The following CLTCL1 variants were observed in gnomAD, a reference collection of about 807,000 sequenced individuals.
CLTCL1 encodes the protein clathrin heavy chain like 1, also known as clathrin heavy chain 2.
In CLTCL1, 159 loss-of-function variants were observed where a neutral mutation model predicts 190.0. The observed-to-expected ratio is 0.84, with a 90% CI of 0.74 to 0.95. The LOEUF (loss-of-function observed/expected upper bound fraction) is 0.95, where lower values mean the gene tolerates loss of function less well. CLTCL1 is among the 40% of genes least tolerant of loss of function. CLTCL1 has a pLI of 0.00. For synonymous variants in CLTCL1, 752 were observed against 769.6 expected (o/e 0.98, Z 0.38); for missense variants, 1,878 against 2,033.4 (o/e 0.92, Z 1.47).
intron 10 of CLTCL1, among the ~76,000 whole-genome samples, chr22:19,231,953 A>G (rs2085928657): frequency 6.6e-6 from 1 of 152,218 alleles, no homozygotes; most frequent in Non-Finnish European, 1.5e-5. Flanking sequence ...AAGCTTTGTT[A>G]CACATCTATA....
At chr22:19,265,816 C>T (rs1372148510) in intron 2 of CLTCL1, among the ~76,000 whole-genome samples, 1 of 152,058 alleles carries the variant, frequency 6.6e-6, no homozygotes, top group East Asian at 1.9e-4. Context: ...CTGAAGCAGC[C>T]TATATACACC....
In CLTCL1 at chr22:19,179,966, G is replaced by C; in HGVS notation, c.*24C>G. The C allele has an allele frequency of 1.8e-6, 1 of 565,420 alleles. No individual in the cohort carries two copies. Among genetic ancestry groups the C allele is most frequent in the Non-Finnish European group, 3.2e-6 (1 of 317,176 alleles). 35.0% of individuals were successfully genotyped at this position (565,420 alleles called of 1,614,324 possible). A position where few individuals can be genotyped will look rare whatever the true frequency, so the allele number is the denominator to read the frequency against. Reference sequence around the variant, plus strand: ...GCTGGCAGGGGCTGGGCCCACGGCAGGGCCTGCAGAGGGGGAAGCCCACAA... The same window carrying C: ...GCTGGCAGGGGCTGGGCCCACGGCACGGCCTGCAGAGGGGGAAGCCCACAA... On this transcript the variant is annotated 3_prime_UTR_variant, in exon 33 of 33. Transcript: ENST00000427926.
intron 10 of CLTCL1, 138 bp from the exon 11 acceptor site, chr22:19,230,113 T>TG: frequency 1.1e-6 from 1 of 930,282 alleles, no homozygotes; most frequent in Non-Finnish European, 1.5e-6. Context: ...TTTTTTTTTT[T>TG]TGAGATGGAG....
At chr22:19,201,955 G>A (rs186379377) in intron 22 of CLTCL1, among the ~76,000 whole-genome samples, 1 of 152,050 alleles carries the variant, frequency 6.6e-6, no homozygotes, top group Non-Finnish European at 1.5e-5. Flanking sequence ...TGGGGACCTT[G>A]TTCTTCTCAC....
chr22:19,246,296 G>A (rs919367341), intron 3 of CLTCL1, among the ~76,000 whole-genome samples: 42 of 151,776 alleles, frequency 2.8e-4, no homozygotes, highest in African/African-American at 9.9e-4. Flanking sequence ...TCCTGACCTC[G>A]TGATCCACCT....
chr22:19,221,945 C>T lies in CLTCL1; in HGVS notation c.2561+6G>A, dbSNP rs1401727981. On this transcript the variant is annotated splice_donor_region_variant and intron_variant, in intron 16 of 32. Transcript: ENST00000427926. ...TAAGAGAAAACACCAAGTAAGGACA[C>T]CTTACCTATTTCTTTTTTCTACTTC... The T allele has an allele frequency of 1.9e-6, 3 of 1,613,686 alleles. No homozygotes were observed. Among genetic ancestry groups the T allele is most frequent in the Non-Finnish European group, 2.5e-6 (3 of 1,179,754 alleles).
At chr22:19,260,583 C>T (rs2086908391) in intron 2 of CLTCL1, among the ~76,000 whole-genome samples, 3 of 151,858 alleles carry the variant, frequency 2.0e-5, no homozygotes, top group Admixed American at 2.0e-4. Flanking sequence ...CGAGATCAGC[C>T]TGACCAACGT....
Position 19,234,501 on chromosome 22 carries a change from T to G in CLTCL1, c.1167+8A>C. ...CAGAACACTTGAACAGTATTCAAGG[T>G]TTATCACCTTTGGTGCAGACGCTGC... On this transcript the variant is annotated splice_region_variant and intron_variant, in intron 7 of 32. Coordinates refer to ENST00000427926, the MANE Select transcript of CLTCL1 (RefSeq NM_007098.4). 6.2e-7 allele frequency: 1 copy of G among 1,607,504 alleles called. No individual in the cohort carries two copies. Among genetic ancestry groups the G allele is most frequent in the Non-Finnish European group, 8.5e-7 (1 of 1,176,390 alleles).
chr22:19,233,084 G>A, intron 9 of CLTCL1, 82 bp downstream of exon 9: 1 of 1,429,034 alleles, frequency 7.0e-7, no homozygotes. Flanking sequence ...ACAAAGAAGG[G>A]TATTTTATAA....
chr22:19,229,922 T>G lies in CLTCL1; in HGVS notation c.1698A>C (p.Leu566Phe). Residue 566 changes from leucine to phenylalanine, a missense_variant, in exon 11 of 33, where the codon TTA becomes TTC. By Grantham distance (22) the Leu-to-Phe change is conservative. Coordinates refer to ENST00000427926, the MANE Select transcript of CLTCL1 (RefSeq NM_007098.4). ...NSLIQQCTSFLLDALKNNRPA... is the reference protein window; with the variant it reads ...NSLIQQCTSFFLDALKNNRPA... ...GGCGATTATTCTTCAAGGCATCCAA[T>G]AAGAAGGAAGTACACTGCTGAATTA... 1 of 1,611,274 alleles carries G rather than the reference T, an allele frequency of 6.2e-7. No individual in the cohort carries two copies. The highest frequency in any genetic ancestry group is 8.5e-7 in the Non-Finnish European group (1 of 1,178,838).
chr22:19,215,577 C>T (rs1448526683), intron 19 of CLTCL1, among the ~76,000 whole-genome samples: 4 of 152,130 alleles, frequency 2.6e-5, no homozygotes, highest in Non-Finnish European at 4.4e-5. Flanking sequence ...CGTGTGGAAG[C>T]GTGCACTCTC....
intron 4 of CLTCL1, 55 bp from the exon 5 acceptor site, chr22:19,239,443 G>T: frequency 7.8e-7 from 1 of 1,288,326 alleles, no homozygotes; most frequent in Non-Finnish European, 1.1e-6. Flanking sequence ...GTGGGCAAGT[G>T]CTAGTCAAGG....
chr22:19,247,264 T>C (rs782366946), intron 3 of CLTCL1, among the ~76,000 whole-genome samples: 4 of 152,208 alleles, frequency 2.6e-5, no homozygotes, highest in African/African-American at 7.2e-5. Flanking sequence ...TGTTTCACCA[T>C]TGAACAGTCT....
rs782813231 is a variant in CLTCL1, at chr22:19,183,390, C to A, written c.4827G>T (p.Lys1609Asn). 1 of 1,612,830 alleles carries A rather than the reference C, an allele frequency of 6.2e-7. No individual in the cohort carries two copies. The highest frequency in any genetic ancestry group is 8.5e-7 in the Non-Finnish European group (1 of 1,179,624). ...GAGCTGCAGCCGGCCCGGCACCTAC[C>A]TTGCTCAGGTACTCCCTCATCACCT... is the stretch of plus-strand genomic sequence containing the variant. ...FIQVMREYLSKVDKLDALESL... is the reference protein window; with the variant it reads ...FIQVMREYLSNVDKLDALESL... Residue 1609 changes from lysine (K) to asparagine (N), a missense_variant and splice_region_variant, in exon 30 of 33, where the codon AAG becomes AAT. Coordinates refer to ENST00000427926, the MANE Select transcript of CLTCL1 (RefSeq NM_007098.4).
At chr22:19,193,925 A>C (rs530778483) in intron 26 of CLTCL1, among the ~76,000 whole-genome samples, 1 of 152,362 alleles carries the variant, frequency 6.6e-6, no homozygotes, top group South Asian at 2.1e-4. Context: ...TGTGAAAAGC[A>C]AAAGAACAAA....
chr22:19,225,817 A>G (rs1391625397), intron 12 of CLTCL1, among the ~76,000 whole-genome samples, 184 bp from the exon 13 acceptor site: 1 of 152,264 alleles, frequency 6.6e-6, no homozygotes, highest in African/African-American at 2.4e-5. Context: ...AAAGCTGGGA[A>G]AAGACACTGA....
At chr22:19,245,801 A>G (rs1431088225) in intron 3 of CLTCL1, among the ~76,000 whole-genome samples, 1 of 152,146 alleles carries the variant, frequency 6.6e-6, no homozygotes, top group Non-Finnish European at 1.5e-5. Context: ...TCATTTAGTA[A>G]GTTTTTGAGG....
At chr22:19,183,832 C>G (rs1633405) in intron 29 of CLTCL1, 2 of 566,388 alleles carry the variant, frequency 3.5e-6, no homozygotes, top group East Asian at 3.0e-5. Context: ...AGGTGGCTCA[C>G]GGAGGCGCAG....
intron 9 of CLTCL1, 81 bp downstream of exon 9, chr22:19,233,085 T>G: frequency 7.0e-7 from 1 of 1,434,394 alleles, no homozygotes; most frequent in South Asian, 1.3e-5. Context: ...CAAAGAAGGG[T>G]ATTTTATAAA....
Sources: allele counts gnomAD v4.1 joint callset (sites outside exome capture counted in the v4.1 genomes callset), GRCh38; gene constraint gnomAD v4.1.1; transcripts MANE v1.5; gene names NCBI Gene and HGNC (gene_info 2026-07-23, HGNC 2026-07-21).